Variants in RHBDD1 observed in about 807,000 individuals in gnomAD.
The protein encoded by RHBDD1 is rhomboid-related protein 4.
A neutral mutation model predicts 36.3 loss-of-function variants in RHBDD1; 38 were observed. The ratio of observed to expected loss-of-function variants is 1.05; its 90% CI spans 0.81 to 1.37. RHBDD1 has a LOEUF of 1.37. RHBDD1 is among the 40% of genes most tolerant of loss of function. The probability of loss-of-function intolerance (pLI) is 0.00; values close to 1 mark genes in which losing one functional copy is unlikely to be tolerated. For missense variants in RHBDD1, 393 were observed against 377.6 expected (o/e 1.04, Z -0.34); for synonymous variants, 151 against 136.5 (o/e 1.11, Z -0.74).
At chr2:226,986,650 A>G (rs928297747) in intron 8 of RHBDD1, among the ~76,000 whole-genome samples, 3 of 152,376 alleles carry the variant, frequency 2.0e-5, no homozygotes, top group African/African-American at 7.2e-5. Context: ...CATGCCAGTT[A>G]GAATAGCGAT....
intron 8 of RHBDD1, among the ~76,000 whole-genome samples, chr2:226,952,490 G>T (rs1273357355): frequency 2.6e-5 from 4 of 152,056 alleles, no homozygotes; most frequent in Non-Finnish European, 5.9e-5. Context: ...TAGAGACTCA[G>T]TTTCACCATG....
At chr2:226,877,752 G>C (rs961164810) in intron 5 of RHBDD1, among the ~76,000 whole-genome samples, 3 of 152,012 alleles carry the variant, frequency 2.0e-5, no homozygotes, top group Admixed American at 2.0e-4. Context: ...TCATCACACG[G>C]TGTATTAAAA....
intron 8 of RHBDD1, among the ~76,000 whole-genome samples, chr2:226,987,652 C>T (rs1241509045): frequency 6.6e-6 from 1 of 152,210 alleles, no homozygotes; most frequent in Non-Finnish European, 1.5e-5. Context: ...CCTCTGGGTA[C>T]AGATGAGGGG....
At chr2:226,877,606 T>C in intron 5 of RHBDD1, among the ~76,000 whole-genome samples, 1 of 150,840 alleles carries the variant, frequency 6.6e-6, no homozygotes, top group Admixed American at 6.6e-5. Context: ...TAAGTAAACA[T>C]GGCAGGGGAA....
chr2:226,898,469 G>A (rs1353018092), intron 5 of RHBDD1, among the ~76,000 whole-genome samples: 9 of 152,122 alleles, frequency 5.9e-5, no homozygotes, highest in South Asian at 4.1e-4. Context: ...TAGAGGGTGC[G>A]TTGTCAGTAT....
At chr2:226,953,935 G>C (rs932424579) in intron 8 of RHBDD1, among the ~76,000 whole-genome samples, 1 of 152,102 alleles carries the variant, frequency 6.6e-6, no homozygotes, top group Non-Finnish European at 1.5e-5. Flanking sequence ...GGTTATTTTG[G>C]CTGCTCTCAC....
intron 3 of RHBDD1, among the ~76,000 whole-genome samples, chr2:226,857,963 A>G (rs992806431): frequency 2.0e-5 from 3 of 152,206 alleles, no homozygotes; most frequent in African/African-American, 7.2e-5. Flanking sequence ...GCTAAATCCC[A>G]TTTATACCTA....
intron 8 of RHBDD1, among the ~76,000 whole-genome samples, chr2:226,989,371 T>G (rs908477573): frequency 6.6e-6 from 1 of 152,178 alleles, no homozygotes; most frequent in African/African-American, 2.4e-5. Flanking sequence ...TCATGGGTAC[T>G]GTTGGGTAAC....
At chr2:226,960,818 G>T (rs1952140277) in intron 8 of RHBDD1, among the ~76,000 whole-genome samples, 1 of 152,164 alleles carries the variant, frequency 6.6e-6, no homozygotes. Context: ...TCATAAGGGG[G>T]TTCATCTTTC....
chr2:226,847,528 C>T (rs1385268608), intron 3 of RHBDD1, among the ~76,000 whole-genome samples: 1 of 152,154 alleles, frequency 6.6e-6, no homozygotes, highest in African/African-American at 2.4e-5. Flanking sequence ...AAGAAAACAG[C>T]AAACCCAAAT....
intron 3 of RHBDD1, among the ~76,000 whole-genome samples, chr2:226,842,608 T>C (rs1436460034): frequency 6.6e-6 from 1 of 152,206 alleles, no homozygotes. Context: ...TTGTGTGGTC[T>C]CGTTTCTGAG....
intron 8 of RHBDD1, among the ~76,000 whole-genome samples, chr2:226,922,043 T>A (rs1178491844): frequency 6.6e-6 from 1 of 152,068 alleles, no homozygotes; most frequent in Admixed American, 6.6e-5. Context: ...ATAATTATAA[T>A]TAATATATCC....
intron 8 of RHBDD1, among the ~76,000 whole-genome samples, chr2:226,992,783 G>A (rs113076267): frequency 2.0e-5 from 3 of 152,246 alleles, no homozygotes; most frequent in Non-Finnish European, 2.9e-5. Flanking sequence ...GAACACTTGC[G>A]GTGTGAGAAC....
At chr2:226,983,073 G>A (rs957883652) in intron 8 of RHBDD1, among the ~76,000 whole-genome samples, 1 of 152,200 alleles carries the variant, frequency 6.6e-6, no homozygotes, top group Admixed American at 6.5e-5. Context: ...CCATGCTAGT[G>A]CAAATGGTCA....
the RHBDD1 span, among the ~76,000 whole-genome samples, chr2:226,817,396 T>C: frequency 6.6e-5 from 10 of 152,178 alleles, no homozygotes; most frequent in African/African-American, 2.4e-4. Flanking sequence ...TGCCTTATAG[T>C]AGTCAATCAA....
rs1406989937 is a variant in RHBDD1 at position 226,996,972 on chromosome 2, TTGG to T, written c.*1455_*1457del. The T allele has an allele frequency of 6.6e-6, 1 of 152,192 alleles. No homozygotes were observed. The highest frequency in any genetic ancestry group is 1.5e-5 in the Non-Finnish European group (1 of 68,016). 9.4% of individuals were successfully genotyped at this position (152,192 alleles called of 1,614,324 possible). A position where few individuals can be genotyped will look rare whatever the true frequency, so the allele number is the denominator to read the frequency against. ...CTTAGAGGTACCCAGGGTTAACATT[TTGG>T]TGGTATTGTCTTATCAATTTTTCCG... On this transcript the variant is annotated 3_prime_UTR_variant, in exon 9 of 9. Transcript: ENST00000392062.
At chr2:226,876,001 CT>C (rs1945207388) in intron 5 of RHBDD1, among the ~76,000 whole-genome samples, 1 of 152,178 alleles carries the variant, frequency 6.6e-6, no homozygotes, top group Admixed American at 6.5e-5. Flanking sequence ...CAATAGCACC[CT>C]TTTGTTTTAG....
chr2:226,878,240 AATT>A (rs1474367956), intron 5 of RHBDD1, among the ~76,000 whole-genome samples: 2 of 151,108 alleles, frequency 1.3e-5, no homozygotes, highest in Non-Finnish European at 3.0e-5. Flanking sequence ...GAATATGTAC[AATT>A]ATATACAATC....
At chr2:226,858,282 A>G (rs1368155641) in intron 3 of RHBDD1, among the ~76,000 whole-genome samples, 3 of 152,226 alleles carry the variant, frequency 2.0e-5, no homozygotes, top group Admixed American at 6.5e-5. Context: ...ATATATCTCA[A>G]TTATATAGTG....
Sources: gnomAD v4.1 joint callset for allele counts (sites outside exome capture counted in the v4.1 genomes callset) on GRCh38, gnomAD v4.1.1 for gene constraint, MANE v1.5 for transcripts, NCBI Gene and HGNC (gene_info 2026-07-23, HGNC 2026-07-21) for gene names.